Variants in SGMS1 observed in about 807,000 individuals in gnomAD.
The protein encoded by SGMS1 is phosphatidylcholine:ceramide cholinephosphotransferase 1.
A neutral mutation model predicts 46.2 loss-of-function variants in SGMS1; 13 were observed. That is an observed-to-expected ratio of 0.28 (90% confidence interval 0.18 to 0.45). SGMS1 has a LOEUF of 0.45. Among genes scored for constraint, SGMS1 ranks in the 20% least tolerant of loss-of-function variants. The pLI is 1.00. For synonymous variants in SGMS1, 203 were observed against 187.8 expected (o/e 1.08, Z -0.66); for missense variants, 324 against 519.9 (o/e 0.62, Z 3.66).
chr10:50,473,292 C>T (rs975315035), intron 3 of SGMS1, among the ~76,000 whole-genome samples: 3 of 152,134 alleles, frequency 2.0e-5, no homozygotes, highest in Non-Finnish European at 4.4e-5. Flanking sequence ...AGTATATAAT[C>T]CAGCAATTTA....
upstream of SGMS1, chr10:50,624,039 C>CG (rs1285047472): frequency 1.5e-4 from 143 of 984,942 alleles, no homozygotes; most frequent in Middle Eastern, 5.2e-4. Flanking sequence ...TCACTGCGGC[C>CG]GGGGGGGCGG....
chr10:50,484,350 G>T (rs757026796), intron 3 of SGMS1, among the ~76,000 whole-genome samples: 3 of 152,126 alleles, frequency 2.0e-5, no homozygotes, highest in African/African-American at 4.8e-5. Context: ...AAACCAGAAA[G>T]AAATTGACTC....
rs760117324 is a variant in SGMS1 at position 50,343,837 on chromosome 10, G to T, written c.278C>A (p.Thr93Asn). Residue 93 changes from threonine (T) to asparagine (N), a missense_variant, in exon 7 of 11, where the codon ACC (threonine) becomes AAC (asparagine). Physicochemically the swap from Thr to Asn is moderately conservative, Grantham distance 65. This residue lies in a region of SGMS1 where 150 missense variants were observed against 169.8 expected (regional missense o/e 0.88). Coordinates refer to ENST00000361781, the MANE Select transcript of SGMS1 (RefSeq NM_147156.4). ...CTTGATGCTGAAGCTGCCGTCGGGG[G>T]TGGGGATGTCTACGCCAATGTTGAG... Reference protein sequence around the residue: ...GHLNIGVDIPTPDGSFSIKIK... With the variant: ...GHLNIGVDIPNPDGSFSIKIK... 1 of 1,614,130 alleles carries T rather than the reference G, an allele frequency of 6.2e-7. No homozygotes were observed. Among genetic ancestry groups the T allele is most frequent in the Non-Finnish European group, 8.5e-7 (1 of 1,180,032 alleles).
At chr10:50,548,466 T>G (rs1329399070) in intron 2 of SGMS1, among the ~76,000 whole-genome samples, 1 of 152,178 alleles carries the variant, frequency 6.6e-6, no homozygotes, top group East Asian at 1.9e-4. Flanking sequence ...GGGGAAATGA[T>G]TCCCTATTTA....
chr10:50,412,907 C>A (rs1230891948), intron 6 of SGMS1, among the ~76,000 whole-genome samples: 3 of 152,196 alleles, frequency 2.0e-5, no homozygotes, highest in African/African-American at 4.8e-5. Flanking sequence ...GCATATTCTT[C>A]ATTCCCTACA....
chr10:50,332,952 C>A (rs189347375), intron 7 of SGMS1, among the ~76,000 whole-genome samples: 170 of 152,278 alleles, frequency 1.1e-3, no homozygotes, highest in African/African-American at 4.0e-3. Context: ...TCCCTAAACA[C>A]AAACTCAATT....
chr10:50,490,979 C>G (rs1301884932), intron 3 of SGMS1, among the ~76,000 whole-genome samples: 2 of 152,046 alleles, frequency 1.3e-5, no homozygotes, highest in African/African-American at 4.8e-5. Context: ...AGTGCTTATT[C>G]ATTAGTGATA....
At chr10:50,524,534 C>T (rs140789456) in intron 2 of SGMS1, among the ~76,000 whole-genome samples, 1 of 152,280 alleles carries the variant, frequency 6.6e-6, no homozygotes, top group East Asian at 1.9e-4. Context: ...CTATGCTCAC[C>T]TTTATAATAA....
intron 2 of SGMS1, among the ~76,000 whole-genome samples, chr10:50,541,459 C>A (rs894098660): frequency 6.6e-6 from 1 of 152,164 alleles, no homozygotes; most frequent in African/African-American, 2.4e-5. Context: ...TGTGACTCAA[C>A]ATCTGTATGA....
intron 5 of SGMS1, among the ~76,000 whole-genome samples, chr10:50,453,106 A>G (rs1203381): frequency 0.57 from 86,366 of 151,714 alleles, 24,881 homozygotes; most frequent in African/African-American, 0.61. Context: ...CAGAAATACA[A>G]GGAAATAAGA....
At chr10:50,552,993 C>G (rs1838161117) in intron 2 of SGMS1, among the ~76,000 whole-genome samples, 1 of 152,198 alleles carries the variant, frequency 6.6e-6, no homozygotes, top group African/African-American at 2.4e-5. Context: ...CTCCTAGAAC[C>G]TGCAGAGGGA....
intron 1 of SGMS1, among the ~76,000 whole-genome samples, chr10:50,597,361 C>G (rs1838603977): frequency 6.6e-6 from 1 of 152,220 alleles, no homozygotes; most frequent in South Asian, 2.1e-4. Flanking sequence ...CTAGGACTTT[C>G]ATATTCTGCT....
intron 7 of SGMS1, among the ~76,000 whole-genome samples, chr10:50,339,038 T>C (rs116090179): frequency 0.012 from 1,797 of 152,318 alleles, 43 homozygotes; most frequent in African/African-American, 0.041. Context: ...ACGCCCAGCC[T>C]GCAGTGGCAT....
intron 6 of SGMS1, among the ~76,000 whole-genome samples, chr10:50,362,521 G>T (rs1848265913): frequency 6.6e-6 from 1 of 152,122 alleles, no homozygotes. Context: ...TCCAAGCCAA[G>T]AAATTAAGGT....
intron 2 of SGMS1, among the ~76,000 whole-genome samples, chr10:50,558,814 A>C (rs892038553): frequency 6.6e-6 from 1 of 152,198 alleles, no homozygotes; most frequent in Non-Finnish European, 1.5e-5. Flanking sequence ...TTTCTTAATA[A>C]CATTTTCCTT....
chr10:50,352,334 C>A (rs1465980565), intron 6 of SGMS1, among the ~76,000 whole-genome samples: 1 of 151,936 alleles, frequency 6.6e-6, no homozygotes, highest in Non-Finnish European at 1.5e-5. Flanking sequence ...AATATCATAT[C>A]TAGACCCAGA....
At position 50,590,154 on chromosome 10, in the gene SGMS1, T is replaced by A. The variant is rs1409197019; in HGVS notation, c.-590A>T. On this transcript the variant is annotated splice_region_variant and 5_prime_UTR_variant, in exon 2 of 11. In the 5' UTR this introduces an upstream ATG that the reference lacks. Transcript: ENST00000361781. The stretch of plus-strand genomic sequence containing the variant: ...AGCTGCATAGAAATATTTACTTACC[T>A]TTCAAATGATGGCTGTCTTCTTTCT... The A allele has an allele frequency of 6.6e-6, 1 of 152,346 alleles. No homozygotes were observed. Among genetic ancestry groups the A allele is most frequent in the Non-Finnish European group, 1.5e-5 (1 of 68,036 alleles). The allele number at this position is 152,346 out of a possible 1,614,324, so 9.4% of individuals were successfully genotyped here. A position where few individuals can be genotyped will look rare whatever the true frequency, so the allele number is the denominator to read the frequency against.
chr10:50,510,527 T>G (rs1443690537), intron 3 of SGMS1, among the ~76,000 whole-genome samples: 5 of 152,176 alleles, frequency 3.3e-5, no homozygotes, highest in Admixed American at 6.5e-5. Flanking sequence ...GCTCTGTATC[T>G]TTGTCAGTAC....
chr10:50,517,565 T>A (rs1837816796), intron 3 of SGMS1, among the ~76,000 whole-genome samples: 1 of 151,918 alleles, frequency 6.6e-6, no homozygotes, highest in Non-Finnish European at 1.5e-5. Context: ...AGTTCTAACC[T>A]CCATTTAATC....
Sources: gnomAD v4.1 joint callset for allele counts (sites outside exome capture counted in the v4.1 genomes callset) on GRCh38, gnomAD v4.1.1 for gene constraint, gnomAD v4.1.1 regional missense constraint, MANE v1.5 for transcripts, NCBI Gene and HGNC (gene_info 2026-07-23, HGNC 2026-07-21) for gene names.